Variants in SFRP1 observed in about 807,000 individuals in gnomAD.
The protein encoded by SFRP1 is secreted frizzled-related protein 1.
In SFRP1, 9 loss-of-function variants were observed where a neutral mutation model predicts 25.9. That is an observed-to-expected ratio of 0.35 (90% CI 0.21 to 0.61). The LOEUF is 0.61. SFRP1 is among the 20% of genes least tolerant of loss of function. The pLI is 0.78. For missense variants in SFRP1, 346 were observed against 418.2 expected (o/e 0.83, Z 1.51); for synonymous variants, 178 against 174.0 (o/e 1.02, Z -0.18).
At chr8:41,299,808 G>C (rs1170221960) in intron 2 of SFRP1, among the ~76,000 whole-genome samples, 1 of 151,748 alleles carries the variant, frequency 6.6e-6, no homozygotes, top group Non-Finnish European at 1.5e-5. Flanking sequence ...GCCTTACTTT[G>C]TTCATTCCAA....
At chr8:41,280,056 G>A (rs1803615719) in intron 2 of SFRP1, among the ~76,000 whole-genome samples, 1 of 152,170 alleles carries the variant, frequency 6.6e-6, no homozygotes, top group African/African-American at 2.4e-5. Context: ...CCCTTGGCGG[G>A]CACGAGGTCC....
chr8:41,278,822 T>A (rs1457493232), intron 2 of SFRP1, among the ~76,000 whole-genome samples: 2 of 152,216 alleles, frequency 1.3e-5, no homozygotes, highest in Admixed American at 6.5e-5. Context: ...AGGGGGCTGC[T>A]GGCCCCTTTG....
At chr8:41,284,212 G>A (rs568962264) in intron 2 of SFRP1, among the ~76,000 whole-genome samples, 11 of 152,282 alleles carry the variant, frequency 7.2e-5, no homozygotes, top group African/African-American at 2.2e-4. Context: ...AAGAGGAGAA[G>A]GAGAACGGCA....
intron 2 of SFRP1, among the ~76,000 whole-genome samples, chr8:41,293,196 C>T (rs1249993287): frequency 6.6e-6 from 1 of 152,330 alleles, no homozygotes; most frequent in African/African-American, 2.4e-5. Flanking sequence ...ACATGAGGGA[C>T]CCCTGAAACA....
At position 41,309,152 on chromosome 8, in the gene SFRP1, A is replaced by ATGCCC; in HGVS notation, c.3_7dup (p.Ile3ArgfsTer37). The ATGCCC allele has an allele frequency of 7.1e-7, 1 of 1,402,332 alleles. No homozygotes were observed. Among genetic ancestry groups the ATGCCC allele is most frequent in the Non-Finnish European group, 9.2e-7 (1 of 1,092,750 alleles). The allele number at this position is 1,402,332 out of a possible 1,614,324, so 86.9% of individuals were successfully genotyped here. On this transcript the variant is annotated frameshift_variant, in exon 1 of 3. Transcript: ENST00000220772. LOFTEE classifies it high-confidence loss of function. Reference sequence around the variant, plus strand: ...GCGGCGGCCCCCCTCGCTGCGCCCGATGCCCATGCCGGCTCTGCGCCCTGT... The same window carrying ATGCCC: ...GCGGCGGCCCCCCTCGCTGCGCCCGATGCCCTGCCCATGCCGGCTCTGCGCCCTGT...
chr8:41,289,546 G>A (rs989778381), intron 2 of SFRP1, among the ~76,000 whole-genome samples: 1 of 152,180 alleles, frequency 6.6e-6, no homozygotes, highest in Admixed American at 6.5e-5. Flanking sequence ...GCTCACGCCT[G>A]TACAGCTCCT....
Position 41,265,126 on chromosome 8 carries a change from A to ACACCCCC in SFRP1, c.*40_*41insGGGGGTG. The ACACCCCC allele has an allele frequency of 7.3e-6, 1 of 136,966 alleles. No homozygotes were observed. 8.5% of individuals were successfully genotyped at this position (136,966 alleles called of 1,614,324 possible). ...CCGGGGCACTGTCCCCCCCGCTCCCACCCCACCCGAGGCTCCCTCCCCACC... is the reference window on the plus strand; with the variant it reads ...CCGGGGCACTGTCCCCCCCGCTCCCACACCCCCCCCCACCCGAGGCTCCCTCCCCACC... On this transcript the variant is annotated 3_prime_UTR_variant, in exon 3 of 3. Transcript: ENST00000220772.
chr8:41,294,690 G>A (rs971363208), intron 2 of SFRP1, among the ~76,000 whole-genome samples: 5 of 152,080 alleles, frequency 3.3e-5, no homozygotes, highest in African/African-American at 9.6e-5. Context: ...ATCCCTAAGT[G>A]CTGTCAAATA....
At chr8:41,274,862 G>A (rs1256216991) in intron 2 of SFRP1, among the ~76,000 whole-genome samples, 1 of 152,094 alleles carries the variant, frequency 6.6e-6, no homozygotes, top group Non-Finnish European at 1.5e-5. Flanking sequence ...ACCACAAAAT[G>A]TCAGATCATG....
intron 2 of SFRP1, among the ~76,000 whole-genome samples, chr8:41,281,979 G>T (rs905421305): frequency 2.6e-5 from 4 of 152,210 alleles, no homozygotes; most frequent in African/African-American, 7.2e-5. Flanking sequence ...GAAATGAGCT[G>T]CTAGGACAAT....
chr8:41,277,711 G>A (rs1423095052), intron 2 of SFRP1, among the ~76,000 whole-genome samples: 1 of 152,122 alleles, frequency 6.6e-6, no homozygotes, highest in East Asian at 1.9e-4. Flanking sequence ...GAACTCCAGG[G>A]CTCAAAGGAT....
At chr8:41,308,472 G>A (rs1026329072) in intron 1 of SFRP1, 144 bp downstream of exon 1, 3 of 665,538 alleles carry the variant, frequency 4.5e-6, no homozygotes, top group Non-Finnish European at 7.6e-6. Flanking sequence ...GGAATCACGT[G>A]CACAGCATGC....
chr8:41,304,639 C>T (rs747168963), intron 1 of SFRP1, among the ~76,000 whole-genome samples: 2 of 152,124 alleles, frequency 1.3e-5, no homozygotes, highest in Non-Finnish European at 2.9e-5. Flanking sequence ...TCCACCATGG[C>T]TTCCGTGGCA....
chr8:41,290,886 CTTTTTTTTTTTTTTTTTTTTTTT>C (rs561965318), intron 2 of SFRP1, among the ~76,000 whole-genome samples: 11 of 53,894 alleles, frequency 2.0e-4, no homozygotes, highest in African/African-American at 5.5e-4. Context: ...TCTTCCTCGT[CTTTTTTTTTTTTTTTTTTTTTTT>C]TTTTTTTTTT....
intron 2 of SFRP1, among the ~76,000 whole-genome samples, chr8:41,265,892 TA>T (rs909519226): frequency 4.6e-5 from 7 of 152,102 alleles, no homozygotes; most frequent in African/African-American, 1.7e-4. Context: ...GTTTTATCCA[TA>T]AAAACCAAGG....
chr8:41,265,112 T>TCCCCCCCCCCCCC lies in SFRP1; in HGVS notation c.*54_*55insGGGGGGGGGGGGG. 1 of 517,774 alleles carries TCCCCCCCCCCCCC rather than the reference T, an allele frequency of 1.9e-6. No homozygotes were observed. Among genetic ancestry groups the TCCCCCCCCCCCCC allele is most frequent in the Non-Finnish European group, 3.6e-6 (1 of 279,106 alleles). 32.1% of individuals were successfully genotyped at this position (517,774 alleles called of 1,614,324 possible). A position where few individuals can be genotyped will look rare whatever the true frequency, so the allele number is the denominator to read the frequency against. On this transcript the variant is annotated 3_prime_UTR_variant, in exon 3 of 3. Transcript: ENST00000220772. ...GACCCACCGGGTTCCCGGGGCACTG[T>TCCCCCCCCCCCCC]CCCCCCCGCTCCCACCCCACCCGAG...
At chr8:41,300,631 C>A (rs148993400) in intron 2 of SFRP1, among the ~76,000 whole-genome samples, 2 of 152,306 alleles carry the variant, frequency 1.3e-5, no homozygotes, top group African/African-American at 4.8e-5. Context: ...ATAAACCAAC[C>A]CAAAGGGAAG....
intron 2 of SFRP1, among the ~76,000 whole-genome samples, chr8:41,266,665 T>C (rs1327377801): frequency 2.4e-4 from 36 of 151,546 alleles, no homozygotes; most frequent in Admixed American, 2.4e-3. Context: ...ACTCAAGAAA[T>C]CCTCCCTCCT....
chr8:41,263,264 A>AAT lies in SFRP1; in HGVS notation c.*1901_*1902dup, dbSNP rs1406246716. On this transcript the variant is annotated 3_prime_UTR_variant, in exon 3 of 3. Coordinates refer to ENST00000220772, the MANE Select transcript of SFRP1 (RefSeq NM_003012.5). ...AGAAGTAGAATATTTCTAATTAGCT[A>AAT]ATATATATACACATTTTTTAATCAT... 6.6e-6 allele frequency: 1 copy of AAT among 152,670 alleles called. No individual in the cohort carries two copies. The highest frequency in any genetic ancestry group is 1.5e-5 in the Non-Finnish European group (1 of 68,046). The allele number at this position is 152,670 out of a possible 1,614,324, so 9.5% of individuals were successfully genotyped here. A position where few individuals can be genotyped will look rare whatever the true frequency, so the allele number is the denominator to read the frequency against.
Sources: allele counts gnomAD v4.1 joint callset (sites outside exome capture counted in the v4.1 genomes callset), GRCh38; gene constraint gnomAD v4.1.1; transcripts MANE v1.5; gene names NCBI Gene and HGNC (gene_info 2026-07-23, HGNC 2026-07-21).